The following RBFOX1 variants were observed in gnomAD, a reference collection of about 807,000 sequenced individuals.
RBFOX1 encodes the protein RNA binding fox-1 homolog 1.
A neutral mutation model predicts 57.7 loss-of-function variants in RBFOX1; 8 were observed. The observed-to-expected ratio is 0.14, with a 90% CI of 0.08 to 0.25. The LOEUF (loss-of-function observed/expected upper bound fraction) is 0.25, where lower values mean the gene tolerates loss of function less well. Among genes scored for constraint, RBFOX1 ranks in the 10% least tolerant of loss-of-function variants. The pLI is 1.00. For synonymous variants in RBFOX1, 326 were observed against 222.4 expected, an observed-to-expected ratio of 1.47 and a Z score of -4.15; for missense variants, 611 against 548.5, an observed-to-expected ratio of 1.11 and a Z score of -1.14.
At chr16:6,708,911 G>A (rs1017265401) in intron 3 of RBFOX1, among the ~76,000 whole-genome samples, 8 of 151,926 alleles carry the variant, frequency 5.3e-5, no homozygotes, top group Admixed American at 1.3e-4. Context: ...ACTCCATTGC[G>A]TCCCCAACAG....
chr16:5,692,007 G>A (rs1454316293), intron 3 of RBFOX1, among the ~76,000 whole-genome samples: 5 of 87,982 alleles, frequency 5.7e-5, no homozygotes, highest in African/African-American at 1.8e-4. Flanking sequence ...GTGCACATTT[G>A]GTAACTCTTT....
chr16:7,536,902 A>C (rs1378683345), intron 5 of RBFOX1, among the ~76,000 whole-genome samples: 1 of 152,196 alleles, frequency 6.6e-6, no homozygotes. Flanking sequence ...CCAGTGACAG[A>C]AAGGAAGTTG....
intron 3 of RBFOX1, among the ~76,000 whole-genome samples, chr16:6,828,705 T>G (rs1051621746): frequency 6.6e-6 from 1 of 151,992 alleles, no homozygotes; most frequent in Non-Finnish European, 1.5e-5. Flanking sequence ...TCACTGTGAC[T>G]TGGGATGTTA....
At chr16:5,373,234 C>T (rs537035039) in intron 1 of RBFOX1, among the ~76,000 whole-genome samples, 9 of 152,126 alleles carry the variant, frequency 5.9e-5, no homozygotes, top group South Asian at 2.1e-4. Context: ...GTTACTGGGT[C>T]GGAAAGATAT....
At chr16:6,327,828 G>T (rs977626787) in intron 2 of RBFOX1, among the ~76,000 whole-genome samples, 1 of 152,162 alleles carries the variant, frequency 6.6e-6, no homozygotes, top group Non-Finnish European at 1.5e-5. Flanking sequence ...CTTGACAAAG[G>T]TTAGGAAATG....
At chr16:6,593,151 C>T (rs528433998) in intron 2 of RBFOX1, among the ~76,000 whole-genome samples, 1 of 152,238 alleles carries the variant, frequency 6.6e-6, no homozygotes, top group East Asian at 1.9e-4. Context: ...GAGATGGCAC[C>T]ATTGCGCTCC....
intron 3 of RBFOX1, among the ~76,000 whole-genome samples, chr16:6,776,638 C>A (rs1333843206): frequency 1.3e-5 from 2 of 152,082 alleles, no homozygotes; most frequent in East Asian, 1.9e-4. Context: ...CCTTTCAAAT[C>A]GGTATGCCAT....
chr16:5,806,877 A>T (rs776305473), intron 3 of RBFOX1, among the ~76,000 whole-genome samples: 2 of 152,164 alleles, frequency 1.3e-5, no homozygotes, highest in Non-Finnish European at 2.9e-5. Context: ...GATGTTCCCA[A>T]ATGCTCTTTC....
chr16:7,092,860 G>A (rs144034396), intron 4 of RBFOX1, among the ~76,000 whole-genome samples: 3 of 152,124 alleles, frequency 2.0e-5, no homozygotes, highest in East Asian at 3.9e-4. Flanking sequence ...TGGGACATCC[G>A]CCTTTTCACA....
intron 4 of RBFOX1, among the ~76,000 whole-genome samples, chr16:7,265,920 T>C (rs2153088586): frequency 6.6e-6 from 1 of 151,088 alleles, no homozygotes; most frequent in African/African-American, 2.4e-5. Context: ...TGCTTGGTGC[T>C]GTCTTCACGA....
intron 3 of RBFOX1, among the ~76,000 whole-genome samples, chr16:5,828,506 T>A (rs7192363): frequency 1.3e-5 from 2 of 151,930 alleles, no homozygotes; most frequent in South Asian, 2.1e-4. Flanking sequence ...AAGACCATCC[T>A]GACCAACATG....
At chr16:6,585,815 TG>T (rs2097604226) in intron 2 of RBFOX1, among the ~76,000 whole-genome samples, 2 of 152,208 alleles carry the variant, frequency 1.3e-5, no homozygotes. Context: ...TTTGACAATT[TG>T]TGTAGGGGTC....
intron 1 of RBFOX1, among the ~76,000 whole-genome samples, chr16:6,210,537 C>T (rs1462111715): frequency 6.6e-6 from 1 of 151,718 alleles, no homozygotes; most frequent in Non-Finnish European, 1.5e-5. Context: ...TGAGACCAGG[C>T]TGGGTAATGT....
chr16:5,276,972 A>C (rs2151137616), intron 1 of RBFOX1, among the ~76,000 whole-genome samples: 1 of 152,338 alleles, frequency 6.6e-6, no homozygotes, highest in South Asian at 2.1e-4. Context: ...AAGTCATCGT[A>C]TGAAAAAGAC....
chr16:5,472,358 A>G (rs777923128), intron 2 of RBFOX1, among the ~76,000 whole-genome samples: 2 of 151,386 alleles, frequency 1.3e-5, no homozygotes, highest in South Asian at 2.1e-4. Flanking sequence ...TGTCCCCCCA[A>G]CCCCCATTGC....
intron 11 of RBFOX1, among the ~76,000 whole-genome samples, chr16:7,631,417 A>T (rs974664306): frequency 6.6e-6 from 1 of 152,198 alleles, no homozygotes; most frequent in Admixed American, 6.5e-5. Context: ...AGGATGCCCT[A>T]TCCTCACCCC....
intron 3 of RBFOX1, among the ~76,000 whole-genome samples, chr16:5,788,092 C>G (rs572642633): frequency 2.0e-5 from 3 of 152,146 alleles, no homozygotes; most frequent in Non-Finnish European, 4.4e-5. Context: ...TCTGTGAGCC[C>G]TTCTTCCTAG....
chr16:6,930,760 C>T (rs748423995), intron 3 of RBFOX1, among the ~76,000 whole-genome samples: 4 of 152,080 alleles, frequency 2.6e-5, no homozygotes, highest in Non-Finnish European at 5.9e-5. Flanking sequence ...TGTTTATTGG[C>T]CACTTGATCC....
chr16:7,141,471 G>A (rs543333641), intron 4 of RBFOX1, among the ~76,000 whole-genome samples: 2 of 152,158 alleles, frequency 1.3e-5, no homozygotes, highest in Admixed American at 6.5e-5. Flanking sequence ...GGGAAAATGC[G>A]CAGCAGTCAA....
Sources: gnomAD v4.1 joint callset for allele counts (sites outside exome capture counted in the v4.1 genomes callset) on GRCh38, gnomAD v4.1.1 for gene constraint, MANE v1.5 for transcripts, NCBI Gene and HGNC (gene_info 2026-07-23, HGNC 2026-07-21) for gene names.